Variants in CYP11A1 observed in about 807,000 individuals in gnomAD.
CYP11A1 encodes the protein cytochrome P450 family 11 subfamily A member 1.
In CYP11A1, 25 loss-of-function variants were observed where a neutral mutation model predicts 51.9. The ratio of observed to expected loss-of-function variants is 0.48; its 90% confidence interval spans 0.35 to 0.67. The LOEUF (loss-of-function observed/expected upper bound fraction) is 0.67. Among genes scored for constraint, CYP11A1 ranks in the 30% least tolerant of loss-of-function variants. The pLI is 0.00. For missense variants in CYP11A1, 578 were observed against 680.9 expected, an observed-to-expected ratio of 0.85 and a Z score of 1.68; for synonymous variants, 245 against 262.1, an observed-to-expected ratio of 0.93 and a Z score of 0.63.
chr15:74,357,982 A>G lies in CYP11A1; in HGVS notation c.269+9335T>C, dbSNP rs550204697. Among the ~76,000 whole-genome samples the G allele has an allele frequency of 2.0e-5, 3 of 152,334 alleles. No homozygotes were observed. In the East Asian group the frequency reaches 5.8e-4, roughly 29 times the overall value. On this transcript the variant is annotated intron_variant, in intron 1 of 8. Coordinates refer to ENST00000268053, the MANE Select transcript of CYP11A1 (RefSeq NM_000781.3). Reference sequence around the variant, plus strand: ...CTGGAGCCCTAACCCTTGCAAATGAATTACACGTCAATATTTATACTGACT... The same window carrying G: ...CTGGAGCCCTAACCCTTGCAAATGAGTTACACGTCAATATTTATACTGACT...
Position 74,345,206 on chromosome 15 carries a change from T to A in CYP11A1, c.463A>T (p.Asn155Tyr). 3.7e-6 allele frequency: 6 copies of A among 1,614,180 alleles called. No individual in the cohort carries two copies. Among genetic ancestry groups the A allele is most frequent in the Non-Finnish European group, 5.1e-6 (6 of 1,180,036 alleles). The change falls in exon 3 of 9, where the codon AAC becomes TAC. Residue 155 changes from asparagine to tyrosine, a missense_variant. By Grantham distance (143) the Asn-to-Tyr change is moderately radical (BLOSUM62 -2). Transcript: ENST00000268053. The surrounding 1 kb of genome is among the most constrained non-coding windows in gnomAD (Gnocchi z 4.3). ...AAWKKDRVAL[N>Y]QEVMAPEATK... ...GCCTCTGGAGCCATCACCTCCTGGT[T>A]CAGGGCCACCCGGTCTTTCTTCCAG...
chr15:74,353,048 G>A (rs2060663021), intron 1 of CYP11A1, among the ~76,000 whole-genome samples: 1 of 151,846 alleles, frequency 6.6e-6, no homozygotes, highest in Non-Finnish European at 1.5e-5. Context: ...TGCTTTTTAG[G>A]GTTTCACTAA....
At chr15:74,365,291 G>A (rs1425762537) in intron 1 of CYP11A1, 4 of 146,696 alleles carry the variant, frequency 2.7e-5, no homozygotes, top group African/African-American at 1.0e-4. Flanking sequence ...ACAAGCCCTG[G>A]AGGCACAGAG....
Position 74,337,908 on chromosome 15 carries a change from C to A in CYP11A1, c.*64G>T. 1 of 1,607,498 alleles carries A rather than the reference C, an allele frequency of 6.2e-7. No homozygotes were observed. Among genetic ancestry groups the A allele is most frequent in the Non-Finnish European group, 8.5e-7 (1 of 1,176,164 alleles). ...GACTTGGGACAGACGACTGAAGATG[C>A]AGAGACCCCATGGGCCCCACCCCTG... On this transcript the variant is annotated 3_prime_UTR_variant, in exon 9 of 9. Coordinates refer to ENST00000268053, the MANE Select transcript of CYP11A1 (RefSeq NM_000781.3).
intron 1 of CYP11A1, among the ~76,000 whole-genome samples, chr15:74,349,039 A>C (rs1261540870): frequency 6.6e-6 from 1 of 152,164 alleles, no homozygotes; most frequent in East Asian, 1.9e-4. Context: ...TACAACTGTT[A>C]CATATGACTG....
chr15:74,347,431 A>T (rs1596161786), intron 2 of CYP11A1, among the ~76,000 whole-genome samples: 2 of 152,194 alleles, frequency 1.3e-5, no homozygotes, highest in South Asian at 4.1e-4. Flanking sequence ...ATTTATGAAC[A>T]ATTTCGTAGA....
chr15:74,367,470 C>T lies in CYP11A1; in HGVS notation c.116G>A (p.Gly39Asp), dbSNP rs761702288. Residue 39 changes from glycine (G) to aspartate (D), a missense_variant, in exon 1 of 9, where the codon GGC becomes GAC. Physicochemically the swap from Gly to Asp is moderately conservative, Grantham distance 94. Transcript: ENST00000268053. Reference sequence around the variant, plus strand: ...GGGGCGAGGACTGCGGGTGGAGATGCCAGCTCCCTCGCCAGTGGGCACCCT... The same window carrying T: ...GGGGCGAGGACTGCGGGTGGAGATGTCAGCTCCCTCGCCAGTGGGCACCCT... ...RLRVPTGEGA[G>D]ISTRSPRPFN... is the part of the protein sequence containing the mutation. The T allele has an allele frequency of 1.2e-6, 2 of 1,614,096 alleles. No individual in the cohort carries two copies. Among genetic ancestry groups the T allele is most frequent in the East Asian group, 4.5e-5 (2 of 44,904 alleles).
chr15:74,346,800 C>CTTTT (rs1046360822), intron 2 of CYP11A1, among the ~76,000 whole-genome samples: 3 of 131,766 alleles, frequency 2.3e-5, no homozygotes, highest in Non-Finnish European at 3.3e-5. Flanking sequence ...CTTTTCTTTT[C>CTTTT]TTTTTTTTTT....
intron 1 of CYP11A1, chr15:74,362,953 C>T (rs1276540245): frequency 6.6e-6 from 1 of 152,170 alleles, no homozygotes; most frequent in Non-Finnish European, 1.5e-5. Context: ...TAACCCACAT[C>T]GTGGGTTAAA....
At chr15:74,338,183 G>C in intron 8 of CYP11A1, 80 bp from the exon 9 acceptor site, 3 of 1,531,906 alleles carry the variant, frequency 2.0e-6, no homozygotes, top group South Asian at 1.1e-5. Context: ...CCCATAGGCA[G>C]TGCCTGTGGA....
chr15:74,365,964 T>C, intron 1 of CYP11A1: 2 of 831,778 alleles, frequency 2.4e-6, no homozygotes, highest in Non-Finnish European at 2.6e-6. Flanking sequence ...GCAGAGTGAC[T>C]GGGACCTAGG....
intron 1 of CYP11A1, chr15:74,354,326 T>G (rs1439315353): frequency 6.6e-6 from 1 of 152,026 alleles, no homozygotes; most frequent in Admixed American, 6.6e-5. Context: ...GCTCCCCCAC[T>G]GAGCACCTTG....
chr15:74,350,151 A>G, intron 1 of CYP11A1: 1 of 392,732 alleles, frequency 2.5e-6, no homozygotes. Flanking sequence ...CAGCATATGT[A>G]GTATATTCAC....
intron 1 of CYP11A1, among the ~76,000 whole-genome samples, chr15:74,360,460 A>G (rs776526966): frequency 6.6e-6 from 1 of 151,694 alleles, no homozygotes; most frequent in Non-Finnish European, 1.5e-5. Context: ...TTTTATTATT[A>G]TTTTTAGTAG....
chr15:74,348,137 C>T, intron 1 of CYP11A1, 82 bp from the exon 2 acceptor site: 1 of 1,509,700 alleles, frequency 6.6e-7, no homozygotes. Context: ...CCTCACAGTT[C>T]CACAACTTGC....
chr15:74,367,076 A>T (rs2060736672), intron 1 of CYP11A1: 2 of 568,954 alleles, frequency 3.5e-6, no homozygotes, highest in Non-Finnish European at 6.2e-6. Flanking sequence ...TCTTGCCACC[A>T]ATTGTTTCAA....
At chr15:74,350,141 C>A (rs1596163095) in intron 1 of CYP11A1, 2 of 398,336 alleles carry the variant, frequency 5.0e-6, no homozygotes, top group South Asian at 2.0e-5. Context: ...ACAACATAAG[C>A]AGCATATGTA....
At position 74,345,797 on chromosome 15, in the gene CYP11A1, C is replaced by G. The variant is rs189101552; in HGVS notation, c.426-554G>C. Among the ~76,000 whole-genome samples, 490 of 152,304 alleles carry G rather than the reference C, an allele frequency of 3.2e-3. No homozygotes were observed. Among genetic ancestry groups the G allele is most frequent in the Middle Eastern group, 6.8e-3 (2 of 294 alleles). On this transcript the variant is annotated intron_variant, in intron 2 of 8. Coordinates refer to ENST00000268053, the MANE Select transcript of CYP11A1 (RefSeq NM_000781.3). The surrounding 1 kb of genome is among the most constrained non-coding windows in gnomAD (Gnocchi z 4.3). ...TTAATTCATGCACACTCTTGAAATT[C>G]ATCAATCCATGCAAAGTCCTCTTCG...
chr15:74,345,919 G>A lies in CYP11A1; in HGVS notation c.426-676C>T, dbSNP rs2060630679. 6.6e-6 allele frequency among the ~76,000 whole-genome samples: 1 copy of A among 152,060 alleles called. No individual in the cohort carries two copies. Among genetic ancestry groups the A allele is most frequent in the Non-Finnish European group, 1.5e-5 (1 of 68,016 alleles). ...GACAGTAACTTACACTTGCCCTCCT[G>A]GTCCTTCCACATCCTTTGTTCCCTT... On this transcript the variant is annotated intron_variant, in intron 2 of 8. Coordinates refer to ENST00000268053, the MANE Select transcript of CYP11A1 (RefSeq NM_000781.3). This position sits in a 1 kb window ranked among gnomAD's most constrained non-coding sequence, Gnocchi z 4.3.
Sources: gnomAD v4.1 joint callset for allele counts (sites outside exome capture counted in the v4.1 genomes callset) on GRCh38, gnomAD v4.1.1 for gene constraint, Gnocchi (gnomAD v3.1) non-coding constraint, MANE v1.5 for transcripts, NCBI Gene and HGNC (gene_info 2026-07-23, HGNC 2026-07-21) for gene names.